Variants in AIMP1 observed in about 807,000 individuals in gnomAD.
AIMP1 encodes aminoacyl tRNA synthase complex-interacting multifunctional protein 1.
AIMP1 carries 24 observed loss-of-function variants against 33.1 expected under a neutral mutation model. That is an observed-to-expected ratio of 0.73 (90% CI 0.53 to 1.02). AIMP1 has a LOEUF of 1.02. Ranked by LOEUF, AIMP1 falls within the 50% of genes least tolerant of loss-of-function variation. The pLI is 0.00. For missense variants in AIMP1, 367 were observed against 364.8 expected (o/e 1.01, Z -0.05); for synonymous variants, 120 against 121.5 (o/e 0.99, Z 0.08).
intron 1 of AIMP1, among the ~76,000 whole-genome samples, chr4:106,321,028 G>A (rs574075760): frequency 1.3e-5 from 2 of 152,318 alleles, no homozygotes; most frequent in East Asian, 3.9e-4. Context: ...GATTGCAGAC[G>A]GAGTCTCGCT....
In AIMP1 at chr4:106,328,062, A is replaced by C. The variant is rs1185586159; in HGVS notation, c.224-14A>C. 1 of 1,609,716 alleles carries C rather than the reference A, an allele frequency of 6.2e-7. No individual in the cohort carries two copies. The highest frequency in any genetic ancestry group is 1.3e-5 in the African/African-American group (1 of 74,702). ...GGTTTAATATGAATGACATTATTTC[A>C]TTTTCTGTCTCAGTGAAGCAAATAC... On this transcript the variant is annotated splice_polypyrimidine_tract_variant and intron_variant, in intron 3 of 6. Transcript: ENST00000672341.
chr4:106,334,118 T>A (rs1769781206), intron 5 of AIMP1, among the ~76,000 whole-genome samples: 1 of 152,172 alleles, frequency 6.6e-6, no homozygotes. Flanking sequence ...TCTGCCTTTG[T>A]TTATTGCTAC....
At chr4:106,330,081 C>T (rs1371226913) in intron 4 of AIMP1, among the ~76,000 whole-genome samples, 1 of 152,086 alleles carries the variant, frequency 6.6e-6, no homozygotes, top group African/African-American at 2.4e-5. Flanking sequence ...CCATGCCCAG[C>T]TAGACTGCCA....
Position 106,337,551 on chromosome 4 carries a change from A to G in AIMP1, c.772+514A>G, listed in dbSNP as rs556795851. Among the ~76,000 whole-genome samples the G allele has an allele frequency of 1.2e-4, 19 of 152,326 alleles. No homozygotes were observed. The East Asian group carries it at 3.3e-3, about 26-fold the overall frequency. On this transcript the variant is annotated intron_variant, in intron 6 of 6. Coordinates refer to ENST00000672341, the MANE Select transcript of AIMP1 (RefSeq NM_001142416.2). ...TGCAGCCATGTGGAACTGTTGGTCA[A>G]TTAAACCTCTTTCTTTTATAAATTA... is the stretch of plus-strand genomic sequence containing the variant.
intron 4 of AIMP1, 131 bp downstream of exon 4, chr4:106,328,374 A>G (rs1167502318): frequency 8.6e-7 from 1 of 1,164,480 alleles, no homozygotes; most frequent in Non-Finnish European, 1.2e-6. Context: ...ATTAGGAACA[A>G]TATGATATTG....
At chr4:106,339,075 C>A (rs970546703) in intron 6 of AIMP1, among the ~76,000 whole-genome samples, 11 of 152,182 alleles carry the variant, frequency 7.2e-5, no homozygotes, top group South Asian at 6.2e-4. Flanking sequence ...GCCTGTACCC[C>A]CAATGTATTC....
chr4:106,329,207 A>G (rs1368008148), intron 4 of AIMP1, among the ~76,000 whole-genome samples: 2 of 152,204 alleles, frequency 1.3e-5, no homozygotes, highest in Non-Finnish European at 2.9e-5. Flanking sequence ...CAACTTCACC[A>G]CTAGGTGGTA....
At chr4:106,334,350 T>C (rs1262090939) in intron 5 of AIMP1, among the ~76,000 whole-genome samples, 1 of 150,914 alleles carries the variant, frequency 6.6e-6, no homozygotes, top group Non-Finnish European at 1.5e-5. Flanking sequence ...AACCACTGCC[T>C]GCCTCCCGGA....
chr4:106,347,055 A>G (rs935129673), intron 6 of AIMP1, among the ~76,000 whole-genome samples: 1 of 152,008 alleles, frequency 6.6e-6, no homozygotes, highest in African/African-American at 2.4e-5. Context: ...GGTGCCACAC[A>G]CTTTTAAACA....
chr4:106,347,142 A>G (rs1770335211), intron 6 of AIMP1, among the ~76,000 whole-genome samples: 1 of 152,152 alleles, frequency 6.6e-6, no homozygotes. Flanking sequence ...AATCACCTCC[A>G]CCAGGCCCCA....
At chr4:106,343,010 A>G (rs1408611331) in intron 6 of AIMP1, among the ~76,000 whole-genome samples, 4 of 150,544 alleles carry the variant, frequency 2.7e-5, no homozygotes, top group Middle Eastern at 6.8e-3. Context: ...GCTCGAGCCA[A>G]CCTCCCACCT....
chr4:106,316,796 G>T, intron 1 of AIMP1: 1 of 532,508 alleles, frequency 1.9e-6, no homozygotes, highest in Non-Finnish European at 3.4e-6. Context: ...TTGAGAAATG[G>T]GATGCAGGCC....
intron 6 of AIMP1, among the ~76,000 whole-genome samples, chr4:106,346,016 C>A (rs1770283380): frequency 6.6e-6 from 1 of 151,394 alleles, no homozygotes; most frequent in Non-Finnish European, 1.5e-5. Context: ...TCTATCATTA[C>A]TTAATTATAC....
chr4:106,326,025 G>A (rs1769442565), intron 2 of AIMP1, among the ~76,000 whole-genome samples: 1 of 152,090 alleles, frequency 6.6e-6, no homozygotes, highest in Non-Finnish European at 1.5e-5. Flanking sequence ...TAGGTACAAT[G>A]CCAACTAGTA....
Position 106,347,724 on chromosome 4 carries a change from A to C in AIMP1, c.*32A>C, listed in dbSNP as rs1444599435. 1 of 1,601,324 alleles carries C rather than the reference A, an allele frequency of 6.2e-7. No homozygotes were observed. The highest frequency in any genetic ancestry group is 8.5e-7 in the Non-Finnish European group (1 of 1,173,304). ...TCCACTACCAAAAGACATTAGAGAA[A>C]ACCTTAAAAGTAATAAAGAGAAATA... is the stretch of plus-strand genomic sequence containing the variant. On this transcript the variant is annotated 3_prime_UTR_variant, in exon 7 of 7. Coordinates refer to ENST00000672341, the MANE Select transcript of AIMP1 (RefSeq NM_001142416.2).
At chr4:106,326,716 T>C (rs1337266214) in intron 2 of AIMP1, among the ~76,000 whole-genome samples, 1 of 152,004 alleles carries the variant, frequency 6.6e-6, no homozygotes, top group South Asian at 2.1e-4. Context: ...AAAATATATA[T>C]ATAATTTAAT....
chr4:106,336,030 CTTTTTTTTTTTTTTTT>C (rs34219049), intron 5 of AIMP1, among the ~76,000 whole-genome samples: 25 of 59,428 alleles, frequency 4.2e-4, no homozygotes, highest in Admixed American at 2.2e-3. Context: ...GTTAAATGAT[CTTTTTTTTTTTTTTTT>C]TTTTTTTTTT....
chr4:106,316,407 TG>T, upstream of AIMP1: 1 of 758,246 alleles, frequency 1.3e-6, no homozygotes, highest in Non-Finnish European at 2.2e-6. Context: ...ACGAGGAGCG[TG>T]GTATGGCAGG....
At chr4:106,338,041 C>A (rs1178400446) in intron 6 of AIMP1, among the ~76,000 whole-genome samples, 1 of 152,112 alleles carries the variant, frequency 6.6e-6, no homozygotes, top group Non-Finnish European at 1.5e-5. Context: ...GGGTATCTGG[C>A]AGAAGAAATT....
Sources: gnomAD v4.1 joint callset for allele counts (sites outside exome capture counted in the v4.1 genomes callset) on GRCh38, gnomAD v4.1.1 for gene constraint, MANE v1.5 for transcripts, NCBI Gene and HGNC (gene_info 2026-07-23, HGNC 2026-07-21) for gene names.